Variants in CSMD3 observed in about 807,000 individuals in gnomAD.
CSMD3 encodes CUB and sushi domain-containing protein 3.
In CSMD3, 177 loss-of-function variants were observed where a neutral mutation model predicts 435.2. That is an observed-to-expected ratio of 0.41 (90% CI 0.36 to 0.46). CSMD3 has a LOEUF of 0.46. Among genes scored for constraint, CSMD3 ranks in the 20% least tolerant of loss-of-function variants. The probability of loss-of-function intolerance (pLI) is 0.34; values close to 1 mark genes in which losing one functional copy is unlikely to be tolerated. For synonymous variants in CSMD3, 1,656 were observed against 1,520.5 expected (o/e 1.09, Z -2.07); for missense variants, 4,265 against 4,504.6 (o/e 0.95, Z 1.52).
rs900608054 is a variant in CSMD3 at position 113,415,221 on chromosome 8, A to G, written c.178+21456T>C. Among the ~76,000 whole-genome samples, 4 of 152,212 alleles carry G rather than the reference A, an allele frequency of 2.6e-5. No individual in the cohort carries two copies. The East Asian group carries it at 7.7e-4, about 29-fold the overall frequency. ...ACCCTCAGTGTTCATTGAGTTTCAA[A>G]TGTCTTAAGGACAGTTTATTGAACT... is the stretch of plus-strand genomic sequence containing the variant. On this transcript the variant is annotated intron_variant, in intron 1 of 70. Coordinates refer to ENST00000297405, the MANE Select transcript of CSMD3 (RefSeq NM_198123.2).
At chr8:112,497,926 C>T (rs1478292067) in intron 30 of CSMD3, among the ~76,000 whole-genome samples, 2 of 151,918 alleles carry the variant, frequency 1.3e-5, no homozygotes, top group South Asian at 2.1e-4. Flanking sequence ...GATTGGATCT[C>T]GAGAACATTA....
chr8:112,238,363 T>C (rs557822135), intron 66 of CSMD3, among the ~76,000 whole-genome samples: 1 of 152,208 alleles, frequency 6.6e-6, no homozygotes, highest in African/African-American at 2.4e-5. Context: ...GGGATTGCCA[T>C]GACAAGCTGT....
chr8:113,002,717 AC>A (rs1317093822), intron 6 of CSMD3, among the ~76,000 whole-genome samples: 2 of 152,036 alleles, frequency 1.3e-5, no homozygotes, highest in Admixed American at 1.3e-4. Context: ...ATGTTATACA[AC>A]CTCTTTCTTG....
intron 5 of CSMD3, among the ~76,000 whole-genome samples, chr8:113,022,731 T>C (rs2086726856): frequency 1.3e-5 from 2 of 151,682 alleles, no homozygotes; most frequent in Non-Finnish European, 2.9e-5. Context: ...TCTAGTTATT[T>C]GTATCAGAAA....
At chr8:112,688,818 A>T (rs1182948412) in intron 14 of CSMD3, among the ~76,000 whole-genome samples, 1 of 152,038 alleles carries the variant, frequency 6.6e-6, no homozygotes, top group Non-Finnish European at 1.5e-5. Context: ...CTAGTATTCA[A>T]GAATGTTTTA....
chr8:113,398,991 C>A (rs2094496399), intron 1 of CSMD3, among the ~76,000 whole-genome samples: 2 of 149,918 alleles, frequency 1.3e-5, no homozygotes, highest in African/African-American at 4.9e-5. Flanking sequence ...GTGCATATTC[C>A]TCTTTGTTGC....
intron 13 of CSMD3, among the ~76,000 whole-genome samples, chr8:112,799,210 A>G (rs927217120): frequency 6.7e-6 from 1 of 149,348 alleles, no homozygotes; most frequent in Admixed American, 6.8e-5. Flanking sequence ...ATTTAGTCAC[A>G]CAAAAAAAAA....
At chr8:112,977,355 A>G (rs2084892311) in intron 6 of CSMD3, among the ~76,000 whole-genome samples, 1 of 152,046 alleles carries the variant, frequency 6.6e-6, no homozygotes, top group South Asian at 2.1e-4. Flanking sequence ...AACATTTCAA[A>G]ATTCTGTTAG....
At position 113,098,800 on chromosome 8, in the gene CSMD3, T is replaced by C; in HGVS notation, c.873A>G (p.Lys291=). ...AACCTTCTATTTCTAAGTAATCATATTTCTCTTCCATTTGAAAATCAGTAA... is the reference window on the plus strand; with the variant it reads ...AACCTTCTATTTCTAAGTAATCATACTTCTCTTCCATTTGAAAATCAGTAA... ...LIFTDFQMEE[K]YDYLEIEGSE... is the part of the protein sequence containing the mutation. Residue 291 remains lysine, a synonymous_variant, in exon 5 of 71, where the codon AAA becomes AAG. Coordinates refer to ENST00000297405, the MANE Select transcript of CSMD3 (RefSeq NM_198123.2). The C allele has an allele frequency of 1.2e-6, 2 of 1,612,740 alleles. No individual in the cohort carries two copies. The highest frequency in any genetic ancestry group is 1.7e-4 in the Middle Eastern group (1 of 6,054).
chr8:112,325,027 T>G (rs2130894266), intron 45 of CSMD3, among the ~76,000 whole-genome samples: 1 of 152,234 alleles, frequency 6.6e-6, no homozygotes, highest in African/African-American at 2.4e-5. Flanking sequence ...CCCCACCTAT[T>G]AACCAGCTTA....
intron 4 of CSMD3, among the ~76,000 whole-genome samples, chr8:113,110,235 A>G (rs2090598292): frequency 1.3e-5 from 2 of 152,196 alleles, no homozygotes; most frequent in Admixed American, 1.3e-4. Context: ...TAATATGGAC[A>G]GTTATACAAT....
intron 7 of CSMD3, among the ~76,000 whole-genome samples, chr8:112,962,551 A>G (rs1289108499): frequency 6.6e-6 from 1 of 151,874 alleles, no homozygotes; most frequent in African/African-American, 2.4e-5. Flanking sequence ...AAAATACAGA[A>G]AGAAACAGAA....
rs1174514110 is a variant in CSMD3 at position 113,250,124 on chromosome 8, T to C, written c.514+28468A>G. ...AGACACGAACAACAGTTTTCAGGAT[T>C]TGCGTCAGGGGATCTAAGAGAATTG... On this transcript the variant is annotated intron_variant, in intron 3 of 70. Transcript: ENST00000297405. Among the ~76,000 whole-genome samples the C allele has an allele frequency of 2.0e-5, 3 of 152,114 alleles. No homozygotes were observed. In the East Asian group the frequency reaches 5.8e-4, roughly 29 times the overall value.
chr8:112,551,821 A>G (rs1175335793), intron 26 of CSMD3, among the ~76,000 whole-genome samples: 1 of 152,080 alleles, frequency 6.6e-6, no homozygotes, highest in Non-Finnish European at 1.5e-5. Context: ...AATTTATATT[A>G]CTACTTTATA....
At chr8:112,775,950 G>C (rs941019970) in intron 13 of CSMD3, among the ~76,000 whole-genome samples, 10 of 151,874 alleles carry the variant, frequency 6.6e-5, no homozygotes, top group Middle Eastern at 3.4e-3. Flanking sequence ...TCAGTATTTT[G>C]TAGGATTACA....
intron 11 of CSMD3, among the ~76,000 whole-genome samples, chr8:112,846,475 C>T (rs892381844): frequency 3.3e-5 from 5 of 151,710 alleles, no homozygotes; most frequent in African/African-American, 9.7e-5. Flanking sequence ...AGGGTTATAG[C>T]TCATCCATCC....
At chr8:112,971,701 G>A (rs1437903718) in intron 7 of CSMD3, among the ~76,000 whole-genome samples, 1 of 152,106 alleles carries the variant, frequency 6.6e-6, no homozygotes, top group African/African-American at 2.4e-5. Flanking sequence ...CACTAATACA[G>A]CAAAGTGAGG....
At chr8:113,108,387 C>T (rs1414621773) in intron 4 of CSMD3, among the ~76,000 whole-genome samples, 1 of 147,940 alleles carries the variant, frequency 6.8e-6, no homozygotes, top group Non-Finnish European at 1.5e-5. Context: ...GAGATTGCGC[C>T]ACTGCATGCC....
At chr8:113,098,521 T>C (rs1260334843) in intron 5 of CSMD3, 10 of 512,800 alleles carry the variant, frequency 2.0e-5, no homozygotes, top group Non-Finnish European at 3.5e-5. Flanking sequence ...AACACAACTG[T>C]AGATTACAAT....
Sources: gnomAD v4.1 joint callset for allele counts (sites outside exome capture counted in the v4.1 genomes callset) on GRCh38, gnomAD v4.1.1 for gene constraint, MANE v1.5 for transcripts, NCBI Gene and HGNC (gene_info 2026-07-23, HGNC 2026-07-21) for gene names.